NXPE4: variants seen among roughly 807,000 people sequenced by gnomAD.
NXPE4 encodes neurexophilin and PC-esterase domain family member 4.
In NXPE4, 42 loss-of-function variants were observed where a neutral mutation model predicts 33.3. The ratio of observed to expected loss-of-function variants is 1.26; its 90% CI spans 0.98 to 1.63. NXPE4 has a LOEUF of 1.63. Among genes scored for constraint, NXPE4 ranks in the 40% most tolerant of loss-of-function variants. NXPE4 has a pLI of 0.00. For missense variants in NXPE4, 709 were observed against 647.6 expected (o/e 1.09, Z -1.03); for synonymous variants, 253 against 234.9 (o/e 1.08, Z -0.71).
the NXPE4 span, among the ~76,000 whole-genome samples, chr11:114,621,644 T>A: frequency 6.6e-6 from 1 of 152,180 alleles, no homozygotes; most frequent in Admixed American, 6.5e-5. Context: ...TATTGCCTTG[T>A]GGGTTACCAC....
the NXPE4 span, among the ~76,000 whole-genome samples, chr11:114,619,125 C>T: frequency 1.3e-5 from 2 of 152,076 alleles, no homozygotes; most frequent in Non-Finnish European, 1.5e-5. Flanking sequence ...AGTGTTGCCT[C>T]GTGGGTAACC....
At chr11:114,652,133 A>G in the NXPE4 span, among the ~76,000 whole-genome samples, 1 of 152,210 alleles carries the variant, frequency 6.6e-6, no homozygotes, top group Admixed American at 6.5e-5. Context: ...CACACTGGCC[A>G]ATGCACTCTA....
the NXPE4 span, among the ~76,000 whole-genome samples, chr11:114,675,561 T>TA: frequency 7.9e-5 from 12 of 151,436 alleles, no homozygotes; most frequent in South Asian, 8.3e-4. Context: ...TAATATAGCA[T>TA]AAAAAAAACC....
At chr11:114,580,359 T>C in intron 4 of NXPE4, 21 bp from the exon 5 acceptor site, 1 of 1,605,542 alleles carries the variant, frequency 6.2e-7, no homozygotes, top group Non-Finnish European at 8.5e-7. Context: ...ATCAATGAGA[T>C]AGGATCTTCC....
At chr11:114,634,879 G>C in the NXPE4 span, among the ~76,000 whole-genome samples, 1 of 152,010 alleles carries the variant, frequency 6.6e-6, no homozygotes, top group Non-Finnish European at 1.5e-5. Context: ...GTGTAGTATA[G>C]TTTGAAGTCA....
At chr11:114,664,200 C>T in the NXPE4 span, among the ~76,000 whole-genome samples, 2 of 152,054 alleles carry the variant, frequency 1.3e-5, no homozygotes, top group African/African-American at 2.4e-5. Context: ...CAATGAGATA[C>T]ACAAGTACTA....
chr11:114,598,119 A>T (rs757517021), upstream of NXPE4, among the ~76,000 whole-genome samples: 1 of 152,184 alleles, frequency 6.6e-6, no homozygotes. Flanking sequence ...AAAGGGAAAA[A>T]TTGGCAGAAA....
chr11:114,662,365 G>T, the NXPE4 span, among the ~76,000 whole-genome samples: 1 of 152,106 alleles, frequency 6.6e-6, no homozygotes, highest in Non-Finnish European at 1.5e-5. Flanking sequence ...AGCCAGAGGG[G>T]AATTACCCAT....
the NXPE4 span, among the ~76,000 whole-genome samples, chr11:114,664,577 G>A: frequency 6.6e-6 from 1 of 152,114 alleles, no homozygotes; most frequent in African/African-American, 2.4e-5. Context: ...CAGAAGAAAA[G>A]GAGCTCCTTG....
the NXPE4 span, among the ~76,000 whole-genome samples, chr11:114,617,610 C>T: frequency 6.6e-6 from 1 of 152,002 alleles, no homozygotes; most frequent in Non-Finnish European, 1.5e-5. Context: ...ATAAGTGTTG[C>T]CTTTAGGGTA....
intron 2 of NXPE4, among the ~76,000 whole-genome samples, chr11:114,591,396 T>C (rs1949450287): frequency 1.3e-5 from 2 of 152,206 alleles, no homozygotes. Context: ...TATCCTCAGT[T>C]TTCCTTCCAT....
the NXPE4 span, among the ~76,000 whole-genome samples, chr11:114,640,606 T>C: frequency 2.0e-5 from 3 of 152,092 alleles, no homozygotes; most frequent in South Asian, 6.2e-4. Context: ...CACCACATCT[T>C]CACGAACATC....
chr11:114,615,790 C>A, the NXPE4 span, among the ~76,000 whole-genome samples: 1 of 151,304 alleles, frequency 6.6e-6, no homozygotes, highest in African/African-American at 2.4e-5. Context: ...CACTGTTACC[C>A]AATGGATAAT....
chr11:114,639,437 T>C, the NXPE4 span, among the ~76,000 whole-genome samples: 5 of 151,790 alleles, frequency 3.3e-5, no homozygotes, highest in African/African-American at 9.6e-5. Flanking sequence ...GGCAATGCCA[T>C]GCTCTGCTTC....
chr11:114,577,045 TTA>T lies in NXPE4; in HGVS notation c.1099+3085_1099+3086del, dbSNP rs370201249. Among the ~76,000 whole-genome samples, 211 of 25,798 alleles carry T rather than the reference TTA, an allele frequency of 8.2e-3. 1 individual carries two copies. Among genetic ancestry groups the T allele is most frequent in the African/African-American group, 0.017 (90 of 5,306 alleles). 16.9% of individuals were successfully genotyped at this position (25,798 alleles called of 152,430 possible). On this transcript the variant is annotated intron_variant, in intron 5 of 5. Transcript: ENST00000375478. ...TATATATACATATATATATATAAAG[TTA>T]TATATATATACATATATATATATAA...
intron 5 of NXPE4, among the ~76,000 whole-genome samples, chr11:114,572,435 G>A (rs1184879731): frequency 6.6e-6 from 1 of 152,094 alleles, no homozygotes; most frequent in Admixed American, 6.6e-5. Context: ...AGGCACCAGA[G>A]AAAGGTGAAG....
chr11:114,662,373 C>T, the NXPE4 span, among the ~76,000 whole-genome samples: 1 of 152,280 alleles, frequency 6.6e-6, no homozygotes, highest in East Asian at 1.9e-4. Context: ...GGGAATTACC[C>T]ATCCGGGTTG....
At chr11:114,586,126 C>T (rs1377617499) in intron 2 of NXPE4, among the ~76,000 whole-genome samples, 1 of 152,138 alleles carries the variant, frequency 6.6e-6, no homozygotes, top group Non-Finnish European at 1.5e-5. Context: ...TCAGACACTA[C>T]CTCCTCAAGC....
intron 2 of NXPE4, among the ~76,000 whole-genome samples, chr11:114,591,630 TC>T (rs1949456624): frequency 6.6e-6 from 1 of 152,100 alleles, no homozygotes; most frequent in African/African-American, 2.4e-5. Flanking sequence ...TTTCCAGCCC[TC>T]AGGATGACTA....
Sources: gnomAD v4.1 joint callset for allele counts (sites outside exome capture counted in the v4.1 genomes callset) on GRCh38, gnomAD v4.1.1 for gene constraint, MANE v1.5 for transcripts, NCBI Gene and HGNC (gene_info 2026-07-23, HGNC 2026-07-21) for gene names.